The following HID1 variants were observed in gnomAD, a reference collection of about 807,000 sequenced individuals.
HID1 encodes HID1 domain containing.
Under a neutral mutation model 89.7 loss-of-function variants are expected in HID1, and 42 were observed. The ratio of observed to expected loss-of-function variants is 0.47; its 90% CI spans 0.37 to 0.61. The LOEUF is 0.61. Ranked by LOEUF, HID1 falls within the 20% of genes least tolerant of loss-of-function variation. The pLI is 0.00. For synonymous variants in HID1, 442 were observed against 433.8 expected, an observed-to-expected ratio of 1.02 and a Z score of -0.24; for missense variants, 854 against 1,039.3, an observed-to-expected ratio of 0.82 and a Z score of 2.45.
Position 74,963,055 on chromosome 17 carries a change from G to A in HID1, c.414C>T (p.Ala138=). The change falls in exon 4 of 19, where the codon GCC becomes GCT. Residue 138 remains alanine (A), a synonymous_variant. Coordinates refer to ENST00000425042, the MANE Select transcript of HID1 (RefSeq NM_030630.3). ...GGAGCAGGGACTCGGCCAGGGGCCT[G>A]GCATGCTCATCATCCTCTTCTCCCT... is the stretch of plus-strand genomic sequence containing the variant. The part of the protein sequence containing the change: ...GGQGEEDDEH[A]RPLAESLLLA... The A allele has an allele frequency of 6.2e-7, 1 of 1,612,196 alleles. No homozygotes were observed. The highest frequency in any genetic ancestry group is 8.5e-7 in the Non-Finnish European group (1 of 1,179,060).
At chr17:74,956,522 A>T (rs747287450) in intron 12 of HID1, among the ~76,000 whole-genome samples, 30 of 152,146 alleles carry the variant, frequency 2.0e-4, no homozygotes, top group Admixed American at 1.8e-3. Context: ...CAGGGCAGGG[A>T]CCAGGGCTGT....
intron 2 of HID1, 104 bp downstream of exon 2, chr17:74,964,379 G>T: frequency 7.6e-7 from 1 of 1,310,278 alleles, no homozygotes; most frequent in Admixed American, 2.3e-5. Flanking sequence ...TGAGGCCACA[G>T]GGCTGCCTGC....
At chr17:74,971,567 A>G (rs1216815334) in intron 1 of HID1, among the ~76,000 whole-genome samples, 1 of 152,138 alleles carries the variant, frequency 6.6e-6, no homozygotes, top group Non-Finnish European at 1.5e-5. Context: ...AACCTCCAGC[A>G]GCAAGAGAGA....
Position 74,952,035 on chromosome 17 carries a change from G to T in HID1, c.2173C>A (p.Arg725=). 6.4e-7 allele frequency: 1 copy of T among 1,558,498 alleles called. No individual in the cohort carries two copies. Among genetic ancestry groups the T allele is most frequent in the Non-Finnish European group, 8.7e-7 (1 of 1,150,766 alleles). The part of the protein sequence containing the change: ...KGLTDESEIL[R]FLQHGTLVGL... Reference sequence around the variant, plus strand: ...ACCAGGGTGCCATGCTGCAGGAACCGCAGGATCTCAGACTCATCCGTCAGG... The same window carrying T: ...ACCAGGGTGCCATGCTGCAGGAACCTCAGGATCTCAGACTCATCCGTCAGG... The change falls in exon 18 of 19, where the codon CGG becomes AGG. Residue 725 remains arginine, a synonymous_variant. Transcript: ENST00000425042.
Position 74,954,210 on chromosome 17 carries a change from A to C in HID1, c.1792T>G (p.Ser598Ala). The change falls in exon 14 of 19, where the codon TCC (serine) becomes GCC (alanine). Residue 598 changes from serine to alanine, a missense_variant. By Grantham distance (99) the Ser-to-Ala change is moderately conservative. Coordinates refer to ENST00000425042, the MANE Select transcript of HID1 (RefSeq NM_030630.3). ...GCAGCGGGGCGGGAGCCCTCCATGGAGGTGCCCTCCTGGGAGCCGGTGCGA... is the reference window on the plus strand; with the variant it reads ...GCAGCGGGGCGGGAGCCCTCCATGGCGGTGCCCTCCTGGGAGCCGGTGCGA... Reference protein sequence around the residue: ...LSRTGSQEGTSMEGSRPAAPA... With the variant: ...LSRTGSQEGTAMEGSRPAAPA... 1.2e-6 allele frequency: 2 copies of C among 1,600,072 alleles called. No individual in the cohort carries two copies. Among genetic ancestry groups the C allele is most frequent in the Non-Finnish European group, 1.7e-6 (2 of 1,174,732 alleles).
In HID1 at chr17:74,963,895, C is replaced by A. The variant is rs1341816360; in HGVS notation, c.232G>T (p.Val78Leu). The A allele has an allele frequency of 6.2e-7, 1 of 1,613,926 alleles. No homozygotes were observed. The highest frequency in any genetic ancestry group is 1.1e-5 in the South Asian group (1 of 91,084). Residue 78 changes from valine (V) to leucine (L), a missense_variant, in exon 3 of 19, where the codon GTG (valine) becomes TTG (leucine). Val to Leu is a conservative substitution (Grantham distance 32). Coordinates refer to ENST00000425042, the MANE Select transcript of HID1 (RefSeq NM_030630.3). Reference protein sequence around the residue: ...TLCYKAVEKLVQGAESGCHSE... With the variant: ...TLCYKAVEKLLQGAESGCHSE... ...TGGCAGCCACTCTCAGCTCCCTGCACCAGCTTCTCAACGGCCTGTGGGGGC... is the reference window on the plus strand; with the variant it reads ...TGGCAGCCACTCTCAGCTCCCTGCAACAGCTTCTCAACGGCCTGTGGGGGC...
At chr17:74,953,132 G>A (rs773621494) in intron 15 of HID1, 46 bp from the exon 16 acceptor site, 1 of 1,462,576 alleles carries the variant, frequency 6.8e-7, no homozygotes, top group Non-Finnish European at 9.3e-7. Flanking sequence ...GGCGGTGGGT[G>A]AGGGGTGGAG....
At chr17:74,971,903 G>A (rs530775172) in intron 1 of HID1, among the ~76,000 whole-genome samples, 15 of 152,258 alleles carry the variant, frequency 9.9e-5, no homozygotes, top group Non-Finnish European at 1.5e-4. Flanking sequence ...AGAGAACAGA[G>A]CACACAGGCT....
chr17:74,966,534 A>G (rs2039566634), intron 1 of HID1, among the ~76,000 whole-genome samples: 1 of 151,928 alleles, frequency 6.6e-6, no homozygotes, highest in African/African-American at 2.4e-5. Context: ...TTTCTCCAAC[A>G]CAGCTTTTTT....
chr17:74,958,501 G>A lies in HID1; in HGVS notation c.1241-23C>T. 3.2e-6 allele frequency: 5 copies of A among 1,577,380 alleles called. No homozygotes were observed. Among genetic ancestry groups the A allele is most frequent in the Non-Finnish European group, 3.4e-6 (4 of 1,161,804 alleles). Reference sequence around the variant, plus strand: ...GAGCTGCGGCAGGTGGCGTGGGAGGGGTCACTCGGGTGGGAGGGGGAAGGA... The same window carrying A: ...GAGCTGCGGCAGGTGGCGTGGGAGGAGTCACTCGGGTGGGAGGGGGAAGGA... On this transcript the variant is annotated intron_variant, in intron 10 of 18. Coordinates refer to ENST00000425042, the MANE Select transcript of HID1 (RefSeq NM_030630.3). The surrounding 1 kb of genome is among the most constrained non-coding windows in gnomAD (Gnocchi z 5.2).
intron 13 of HID1, 113 bp from the exon 14 acceptor site, chr17:74,954,478 A>C: frequency 6.6e-7 from 1 of 1,525,826 alleles, no homozygotes; most frequent in East Asian, 2.4e-5. Flanking sequence ...TGTCTGCCCA[A>C]GGGGTTGGAG....
Position 74,972,548 on chromosome 17 carries a change from A to G in HID1, c.66+43T>C. 1.3e-6 allele frequency: 2 copies of G among 1,507,812 alleles called. No individual in the cohort carries two copies. The highest frequency in any genetic ancestry group is 9.0e-7 in the Non-Finnish European group (1 of 1,116,658). The allele number at this position is 1,507,812 out of a possible 1,614,324, so 93.4% of individuals were successfully genotyped here. On this transcript the variant is annotated intron_variant, in intron 1 of 18. Transcript: ENST00000425042. This position sits in a 1 kb window ranked among gnomAD's most constrained non-coding sequence, Gnocchi z 6.4. ...GTACCCCCGGCCCTGCCCAGCCCCC[A>G]GCCCGGCAGGTGGATGGGGACGCCG...
chr17:74,964,895 G>A (rs1376711192), intron 1 of HID1, among the ~76,000 whole-genome samples: 1 of 152,198 alleles, frequency 6.6e-6, no homozygotes, highest in African/African-American at 2.4e-5. Context: ...CACCCCTGAG[G>A]AGGTGTGTGA....
chr17:74,951,781 G>C (rs1395248175), intron 18 of HID1, 124 bp downstream of exon 18: 1 of 1,365,940 alleles, frequency 7.3e-7, no homozygotes. Flanking sequence ...ACCAGGCAAG[G>C]CCGCCTTAGT....
At position 74,961,839 on chromosome 17, in the gene HID1, G is replaced by A. The variant is rs370250282; in HGVS notation, c.728+34C>T. The A allele has an allele frequency of 8.2e-5, 110 of 1,334,838 alleles. No individual in the cohort carries two copies. The African/African-American group carries it at 1.2e-3, about 14-fold the overall frequency. 82.7% of individuals were successfully genotyped at this position (1,334,838 alleles called of 1,614,324 possible). ...AGCTCTGGATTGCCTGGAATAAGAG[G>A]GAAGAGAGCGCAGAAAGGCCAAGGG... On this transcript the variant is annotated intron_variant, in intron 6 of 18. Coordinates refer to ENST00000425042, the MANE Select transcript of HID1 (RefSeq NM_030630.3).
At position 74,953,065 on chromosome 17, in the gene HID1, C is replaced by T. The variant is rs1442177468; in HGVS notation, c.1993G>A (p.Glu665Lys). The T allele has an allele frequency of 6.2e-7, 1 of 1,607,858 alleles. No homozygotes were observed. Among genetic ancestry groups the T allele is most frequent in the Non-Finnish European group, 8.5e-7 (1 of 1,178,038 alleles). Residue 665 changes from glutamate (E) to lysine (K), a missense_variant, in exon 16 of 19, where the codon GAG (glutamate) becomes AAG (lysine). Transcript: ENST00000425042. ...AKGEPSQAWR[E>K]QRRPSTSSAS... Reference sequence around the variant, plus strand: ...GATGAGGTGGACGGTCGCCGCTGCTCCCTCCATGCCTGGCTGGGCTCCTGG... The same window carrying T: ...GATGAGGTGGACGGTCGCCGCTGCTTCCTCCATGCCTGGCTGGGCTCCTGG...
At chr17:74,967,873 C>T (rs1454606210) in intron 1 of HID1, 1 of 151,426 alleles carries the variant, frequency 6.6e-6, no homozygotes, top group Non-Finnish European at 1.5e-5. Flanking sequence ...GAGGCTGAAG[C>T]AGGAGGATCA....
Position 74,951,725 on chromosome 17 carries a change from C to G in HID1, c.2304-92G>C, listed in dbSNP as rs376577256. 968 of 1,424,226 alleles carry G rather than the reference C, an allele frequency of 6.8e-4. 8 individuals are homozygous for G. The South Asian group carries it at 1.0e-2, about 15-fold the overall frequency. The allele number at this position is 1,424,226 out of a possible 1,614,324, so 88.2% of individuals were successfully genotyped here. A position where few individuals can be genotyped will look rare whatever the true frequency, so the allele number is the denominator to read the frequency against. ...GGGCAGCAGGAATGGCCAAGCCAAC[C>G]CTTTCCATCCCGATGTCCCACCCTG... On this transcript the variant is annotated intron_variant, in intron 18 of 18. Transcript: ENST00000425042.
In HID1 at chr17:74,960,037, C is replaced by A; in HGVS notation, c.940G>T (p.Asp314Tyr). The A allele has an allele frequency of 6.2e-7, 1 of 1,613,584 alleles. No homozygotes were observed. Among genetic ancestry groups the A allele is most frequent in the East Asian group, 2.2e-5 (1 of 44,882 alleles). Reference sequence around the variant, plus strand: ...GCTCCCATCCTTACATCGGCATCATCCATGGCGGTGCCAGTGGTGGTGCCG... The same window carrying A: ...GCTCCCATCCTTACATCGGCATCATACATGGCGGTGCCAGTGGTGGTGCCG... ...VDGTTTGTAM[D>Y]DADPPGPENL... The change falls in exon 7 of 19, where the codon GAT becomes TAT. Residue 314 changes from aspartate (D) to tyrosine (Y), a missense_variant. Transcript: ENST00000425042.
Sources: gnomAD v4.1 joint callset for allele counts (sites outside exome capture counted in the v4.1 genomes callset) on GRCh38, gnomAD v4.1.1 for gene constraint, Gnocchi (gnomAD v3.1) non-coding constraint, MANE v1.5 for transcripts, NCBI Gene and HGNC (gene_info 2026-07-23, HGNC 2026-07-21) for gene names.